The following FNDC3A variants were observed in gnomAD, a reference collection of about 807,000 sequenced individuals.
FNDC3A encodes the protein fibronectin type-III domain-containing protein 3A.
A neutral mutation model predicts 148.9 loss-of-function variants in FNDC3A; 32 were observed. The observed-to-expected ratio is 0.21, with a 90% CI of 0.16 to 0.29. FNDC3A has a LOEUF of 0.29. FNDC3A is among the 10% of genes least tolerant of loss of function. The probability of loss-of-function intolerance (pLI) is 1.00; values close to 1 mark genes in which losing one functional copy is unlikely to be tolerated. For missense variants in FNDC3A, 1,191 were observed against 1,452.8 expected (o/e 0.82, Z 2.93); for synonymous variants, 472 against 473.6 (o/e 1.00, Z 0.04).
chr13:48,997,485 A>C (rs1450644342), intron 1 of FNDC3A, among the ~76,000 whole-genome samples: 3 of 152,182 alleles, frequency 2.0e-5, no homozygotes, highest in African/African-American at 7.2e-5. Flanking sequence ...CCAATGTGAC[A>C]GTATGTGGAG....
At position 49,045,716 on chromosome 13, in the gene FNDC3A, A is replaced by C. The variant is rs868158855; in HGVS notation, c.100-29573A>C. 5.3e-6 allele frequency: 6 copies of C among 1,122,734 alleles called. No homozygotes were observed. In the Middle Eastern group the frequency reaches 1.4e-3, roughly 264 times the overall value. 69.5% of individuals were successfully genotyped at this position (1,122,734 alleles called of 1,614,324 possible). A position where few individuals can be genotyped will look rare whatever the true frequency, so the allele number is the denominator to read the frequency against. On this transcript the variant is annotated intron_variant, in intron 2 of 25. Coordinates refer to ENST00000492622, the MANE Select transcript of FNDC3A (RefSeq NM_001079673.2). ...TGCCACCAATAGCTTGGACCTCTTGATTTTCAAAAACCCTGTCAGGATGTT... is the reference window on the plus strand; with the variant it reads ...TGCCACCAATAGCTTGGACCTCTTGCTTTTCAAAAACCCTGTCAGGATGTT...
chr13:48,990,978 AAG>A (rs1285018624), intron 1 of FNDC3A, among the ~76,000 whole-genome samples: 1 of 152,208 alleles, frequency 6.6e-6, no homozygotes, highest in Admixed American at 6.5e-5. Context: ...ATAAATCAAC[AAG>A]AGAGAGGGGA....
At position 49,020,719 on chromosome 13, in the gene FNDC3A, C is replaced by T. The variant is rs138700394; in HGVS notation, c.99+14430C>T. On this transcript the variant is annotated intron_variant, in intron 2 of 25. Transcript: ENST00000492622. ...TGAGCCCTTACCCTGTGTTCAGACA[C>T]TGAGGCAAGTAATGCATTATTTCAT... 2.1e-3 allele frequency among the ~76,000 whole-genome samples: 313 copies of T among 152,312 alleles called. 3 individuals carry two copies. The highest frequency in any genetic ancestry group is 7.1e-3 in the African/African-American group (297 of 41,572).
chr13:49,176,804 CT>C (rs879416078), intron 13 of FNDC3A, among the ~76,000 whole-genome samples: 1 of 151,410 alleles, frequency 6.6e-6, no homozygotes, highest in East Asian at 1.9e-4. Context: ...AGAACTCAGT[CT>C]TTTTTTTTCT....
rs1417459092 is a variant in FNDC3A at position 49,155,511 on chromosome 13, C to T, written c.977+9576C>T. On this transcript the variant is annotated intron_variant, in intron 8 of 25. Coordinates refer to ENST00000492622, the MANE Select transcript of FNDC3A (RefSeq NM_001079673.2). ...ATTTTTTGAAGGGTTTTTTGTGTCTCTATTTCCTTCAGTTCTGCTCTGATT... is the reference window on the plus strand; with the variant it reads ...ATTTTTTGAAGGGTTTTTTGTGTCTTTATTTCCTTCAGTTCTGCTCTGATT... Among the ~76,000 whole-genome samples the T allele has an allele frequency of 2.1e-5, 3 of 142,718 alleles. No individual in the cohort carries two copies. In the Admixed American group the frequency reaches 2.1e-4, roughly 10 times the overall value. The allele number at this position is 142,718 out of a possible 152,430, so 93.6% of individuals were successfully genotyped here. A position where few individuals can be genotyped will look rare whatever the true frequency, so the allele number is the denominator to read the frequency against.
At chr13:49,138,393 G>A (rs1882502530) in intron 6 of FNDC3A, among the ~76,000 whole-genome samples, 1 of 152,088 alleles carries the variant, frequency 6.6e-6, no homozygotes, top group African/African-American at 2.4e-5. Context: ...ACTTTATTAA[G>A]AGGTATGAGA....
chr13:49,155,387 G>C (rs1306739710), intron 8 of FNDC3A, among the ~76,000 whole-genome samples: 6 of 150,478 alleles, frequency 4.0e-5, no homozygotes, highest in Non-Finnish European at 7.4e-5. Flanking sequence ...TTTTTTTTGT[G>C]TGTCTATTTG....
Position 49,208,056 on chromosome 13 carries a change from A to T in FNDC3A, c.*661A>T, listed in dbSNP as rs540207663. On this transcript the variant is annotated 3_prime_UTR_variant, in exon 26 of 26. Transcript: ENST00000492622. ...GAACAGACAGTTTACTTGGCCTAAA[A>T]ATATTTTGATGTTTACTCAAAAAGT... 9.8e-5 allele frequency: 15 copies of T among 152,554 alleles called. No homozygotes were observed. The Middle Eastern group carries it at 0.01, about 104-fold the overall frequency. The allele number at this position is 152,554 out of a possible 1,614,324, so 9.5% of individuals were successfully genotyped here.
intron 8 of FNDC3A, among the ~76,000 whole-genome samples, chr13:49,161,551 G>A (rs1021839030): frequency 1.3e-4 from 20 of 152,042 alleles, no homozygotes; most frequent in Admixed American, 2.6e-4. Context: ...GGTCCTGACT[G>A]TTTATCCAGT....
At chr13:49,005,763 T>G (rs1368374791) in intron 1 of FNDC3A, among the ~76,000 whole-genome samples, 3 of 151,874 alleles carry the variant, frequency 2.0e-5, no homozygotes, top group African/African-American at 7.2e-5. Context: ...AGAAAAAAAT[T>G]AGTGACAGTT....
At chr13:49,122,167 T>TC (rs1881393089) in intron 4 of FNDC3A, among the ~76,000 whole-genome samples, 1 of 152,174 alleles carries the variant, frequency 6.6e-6, no homozygotes, top group Non-Finnish European at 1.5e-5. Context: ...CAAGTCTGCT[T>TC]CATCCCTGGG....
Position 49,207,212 on chromosome 13 carries a change from C to T in FNDC3A, c.3414C>T (p.Ser1138=), listed in dbSNP as rs1193032835. The change falls in exon 26 of 26, where the codon AGC becomes AGT. Residue 1138 remains serine, a synonymous_variant. Transcript: ENST00000492622. ...LGHQDLVGPY[S]TTVLFISQRT... ...ACCAGGACCTCGTAGGTCCCTACAG[C>T]ACCACAGTGCTCTTCATCTCTCAGA... 6.2e-7 allele frequency: 1 copy of T among 1,614,098 alleles called. No homozygotes were observed. The highest frequency in any genetic ancestry group is 8.5e-7 in the Non-Finnish European group (1 of 1,180,024).
intron 25 of FNDC3A, among the ~76,000 whole-genome samples, chr13:49,204,480 C>T (rs1194812310): frequency 1.3e-5 from 2 of 152,054 alleles, no homozygotes; most frequent in African/African-American, 4.8e-5. Flanking sequence ...ACTGAAATTA[C>T]AAAAGATCCA....
At chr13:49,086,494 G>A (rs1878824843) in intron 3 of FNDC3A, among the ~76,000 whole-genome samples, 1 of 152,116 alleles carries the variant, frequency 6.6e-6, no homozygotes, top group Non-Finnish European at 1.5e-5. Context: ...ATAATACGGA[G>A]ATTGATATTA....
chr13:49,051,724 C>T (rs1192111433), intron 2 of FNDC3A, among the ~76,000 whole-genome samples: 2 of 152,190 alleles, frequency 1.3e-5, no homozygotes, highest in Non-Finnish European at 2.9e-5. Context: ...AGATCTCTAG[C>T]AAGGCTGGAG....
chr13:49,189,896 G>GT (rs1210971012), intron 17 of FNDC3A, among the ~76,000 whole-genome samples: 6 of 151,824 alleles, frequency 4.0e-5, no homozygotes, highest in East Asian at 1.9e-4. Flanking sequence ...TTGTGGCATT[G>GT]TTTTTTTTGA....
intron 2 of FNDC3A, among the ~76,000 whole-genome samples, chr13:49,028,233 G>C (rs996892327): frequency 1.3e-4 from 19 of 151,734 alleles, no homozygotes; most frequent in Non-Finnish European, 2.4e-4. Flanking sequence ...AAAAATTCAT[G>C]ATTTAACTAT....
chr13:49,023,845 T>C (rs1306909864), intron 2 of FNDC3A, among the ~76,000 whole-genome samples: 1 of 151,960 alleles, frequency 6.6e-6, no homozygotes, highest in African/African-American at 2.4e-5. Flanking sequence ...ATGATTTTTG[T>C]CAAAAAGTGT....
chr13:49,201,359 A>C (rs1289049205), intron 23 of FNDC3A: 15 of 160,166 alleles, frequency 9.4e-5, no homozygotes. Context: ...AGGAAGATTA[A>C]AATAGAAACT....
Sources: gnomAD v4.1 joint callset for allele counts (sites outside exome capture counted in the v4.1 genomes callset) on GRCh38, gnomAD v4.1.1 for gene constraint, MANE v1.5 for transcripts, NCBI Gene and HGNC (gene_info 2026-07-23, HGNC 2026-07-21) for gene names.